The following NAV2 variants were observed in gnomAD, a reference collection of about 807,000 sequenced individuals.
NAV2 encodes neuron navigator 2, also known as helicase, APC down-regulated 1.
In NAV2, 54 loss-of-function variants were observed where a neutral mutation model predicts 223.2. That is an observed-to-expected ratio of 0.24 (90% CI 0.19 to 0.30). The LOEUF (loss-of-function observed/expected upper bound fraction) is 0.30, where lower values mean the gene tolerates loss of function less well. Among genes scored for constraint, NAV2 ranks in the 10% least tolerant of loss-of-function variants. NAV2 has a pLI of 1.00. For missense variants in NAV2, 2,806 were observed against 3,147.5 expected (o/e 0.89, Z 2.60); for synonymous variants, 1,279 against 1,239.3 (o/e 1.03, Z -0.67).
chr11:19,967,570 G>A (rs1292275619), intron 10 of NAV2, among the ~76,000 whole-genome samples: 3 of 152,102 alleles, frequency 2.0e-5, no homozygotes, highest in African/African-American at 7.2e-5. Context: ...GTTTTTTATT[G>A]CCTAGACACC....
chr11:19,827,756 A>T (rs2059713626), intron 1 of NAV2, among the ~76,000 whole-genome samples: 2 of 152,210 alleles, frequency 1.3e-5, no homozygotes, highest in Non-Finnish European at 2.9e-5. Flanking sequence ...AAAAACAGGC[A>T]TGCTTAATTA....
At chr11:20,115,201 CAGGGAGAGGTCTG>C (rs2062955364) in intron 37 of NAV2, among the ~76,000 whole-genome samples, 2 of 152,076 alleles carry the variant, frequency 1.3e-5, no homozygotes, top group Non-Finnish European at 2.9e-5. Context: ...ATAGGGTAAA[CAGGGAGAGGTCTG>C]AGGGCAGGAG....
At position 19,502,379 on chromosome 11, in the gene NAV2, C is replaced by A. The variant is rs186591406; in HGVS notation, c.75+151352C>A. On this transcript the variant is annotated intron_variant, in intron 1 of 37. Coordinates refer to the NAV2 transcript ENST00000360655. The stretch of plus-strand genomic sequence containing the variant: ...TCGACATAAAGCACTTAGAATAGAG[C>A]CAAAGAACTCTACTGACACCAGGCT... Among the ~76,000 whole-genome samples, 13 of 152,244 alleles carry A rather than the reference C, an allele frequency of 8.5e-5. No individual in the cohort carries two copies. In the East Asian group the frequency reaches 2.5e-3, roughly 29 times the overall value.
rs541536397 is a variant in NAV2, at chr11:19,947,054, A to G, written c.2255+545A>G. Among the ~76,000 whole-genome samples, 6 of 152,300 alleles carry G rather than the reference A, an allele frequency of 3.9e-5. No homozygotes were observed. The South Asian group carries it at 1.2e-3, about 32-fold the overall frequency. On this transcript the variant is annotated intron_variant, in intron 9 of 37. Coordinates refer to ENST00000349880, the MANE Select transcript of NAV2 (RefSeq NM_145117.5). Reference sequence around the variant, plus strand: ...TGAACAAGAAGTTGAAGAGGATGCAACCCTGGGATGTCTTTTGTGATTTGG... The same window carrying G: ...TGAACAAGAAGTTGAAGAGGATGCAGCCCTGGGATGTCTTTTGTGATTTGG...
At chr11:20,079,204 C>A (rs2059941836) in intron 24 of NAV2, among the ~76,000 whole-genome samples, 1 of 152,160 alleles carries the variant, frequency 6.6e-6, no homozygotes, top group African/African-American at 2.4e-5. Context: ...ACACGCCTGG[C>A]TGGTTTTTGT....
At chr11:19,664,751 C>T (rs889464773) in intron 1 of NAV2, among the ~76,000 whole-genome samples, 1 of 152,124 alleles carries the variant, frequency 6.6e-6, no homozygotes, top group African/African-American at 2.4e-5. Context: ...TACCAGGAAG[C>T]CTTTGCTATG....
intron 25 of NAV2, among the ~76,000 whole-genome samples, chr11:20,081,721 G>T (rs1271124086): frequency 1.3e-5 from 2 of 152,136 alleles, no homozygotes; most frequent in African/African-American, 4.8e-5. Flanking sequence ...GTTGATGGGA[G>T]AAAAATCTCA....
rs557329183 is a variant in NAV2 at position 19,603,646 on chromosome 11, A to G, written c.76-228838A>G. Among the ~76,000 whole-genome samples the G allele has an allele frequency of 2.2e-4, 33 of 151,642 alleles. 1 individual carries two copies. The South Asian group carries it at 3.5e-3, about 16-fold the overall frequency. On this transcript the variant is annotated intron_variant, in intron 1 of 37. Coordinates refer to the NAV2 transcript ENST00000360655. ...GACTCCATCTCAAAAAAAAAAAAAA[A>G]AAAGAAAAAAGAAAAGAAACAGAGC...
chr11:19,373,531 C>T (rs763318013), intron 1 of NAV2, among the ~76,000 whole-genome samples: 2 of 152,176 alleles, frequency 1.3e-5, no homozygotes, highest in Non-Finnish European at 2.9e-5. Flanking sequence ...CTTCAGGTCA[C>T]CTCCTCTGAA....
intron 1 of NAV2, among the ~76,000 whole-genome samples, chr11:19,393,287 G>A (rs1447446945): frequency 1.3e-5 from 2 of 152,180 alleles, no homozygotes; most frequent in African/African-American, 2.4e-5. Context: ...TGACCAGAAG[G>A]CCTCTGATAA....
chr11:19,608,713 A>G (rs749198881), intron 1 of NAV2, among the ~76,000 whole-genome samples: 4 of 152,240 alleles, frequency 2.6e-5, no homozygotes, highest in Non-Finnish European at 5.9e-5. Context: ...TTTCTTTTGG[A>G]GCCAGCTCTA....
intron 1 of NAV2, among the ~76,000 whole-genome samples, chr11:19,653,776 C>T (rs903255201): frequency 6.6e-6 from 1 of 152,184 alleles, no homozygotes; most frequent in Non-Finnish European, 1.5e-5. Flanking sequence ...ACGAGGAACA[C>T]AAAGCTTAGA....
At chr11:19,378,982 C>T (rs1848741359) in intron 1 of NAV2, among the ~76,000 whole-genome samples, 1 of 152,224 alleles carries the variant, frequency 6.6e-6, no homozygotes, top group Admixed American at 6.5e-5. Flanking sequence ...TCGTCCCTCA[C>T]TCCCTGTGTG....
chr11:19,523,910 C>T (rs1484569510), intron 1 of NAV2, among the ~76,000 whole-genome samples: 1 of 152,198 alleles, frequency 6.6e-6, no homozygotes, highest in Non-Finnish European at 1.5e-5. Context: ...GTTTATAATG[C>T]CTTCCTTCAC....
rs74232582 is a variant in NAV2, at chr11:19,755,576, G to A, written c.267+41614G>A. Among the ~76,000 whole-genome samples the A allele has an allele frequency of 1.7e-3, 264 of 152,308 alleles. 4 individuals are homozygous for A. In the East Asian group the frequency reaches 0.029, roughly 16 times the overall value. On this transcript the variant is annotated intron_variant, in intron 1 of 37. Coordinates refer to ENST00000349880, the MANE Select transcript of NAV2 (RefSeq NM_145117.5). ...TTCTAGAGCCTCTGGGGAAGGACTCGCTCTATGCTTCTCTCTTAGCTTCTA... is the reference window on the plus strand; with the variant it reads ...TTCTAGAGCCTCTGGGGAAGGACTCACTCTATGCTTCTCTCTTAGCTTCTA...
intron 1 of NAV2, among the ~76,000 whole-genome samples, chr11:19,448,716 G>T (rs1369359445): frequency 6.6e-6 from 1 of 152,184 alleles, no homozygotes; most frequent in Non-Finnish European, 1.5e-5. Context: ...CATATTATGA[G>T]CATTGAATGC....
At chr11:19,534,464 G>A (rs11510161) in intron 1 of NAV2, among the ~76,000 whole-genome samples, 11,263 of 152,194 alleles carry the variant, frequency 0.074, 1,405 homozygotes, top group African/African-American at 0.26. Flanking sequence ...CTTCCTACGA[G>A]CTCAGTGTCT....
chr11:19,653,176 G>A (rs536480631), intron 1 of NAV2, among the ~76,000 whole-genome samples: 57 of 152,278 alleles, frequency 3.7e-4, no homozygotes, highest in African/African-American at 1.2e-3. Flanking sequence ...GAGGAGCTTC[G>A]TTCTATCTCT....
At chr11:19,540,627 C>T (rs2044313318) in intron 1 of NAV2, among the ~76,000 whole-genome samples, 1 of 152,220 alleles carries the variant, frequency 6.6e-6, no homozygotes, top group South Asian at 2.1e-4. Flanking sequence ...GCTATTTTCC[C>T]AAAGTGTGTT....
Sources: allele counts gnomAD v4.1 joint callset (sites outside exome capture counted in the v4.1 genomes callset), GRCh38; gene constraint gnomAD v4.1.1; transcripts MANE v1.5; gene names NCBI Gene and HGNC (gene_info 2026-07-23, HGNC 2026-07-21).